The following HS3ST5 variants were observed in gnomAD, a reference collection of about 807,000 sequenced individuals.
The protein encoded by HS3ST5 is heparan sulfate-glucosamine 3-sulfotransferase 5, also known as heparan sulfate glucosamine 3-O-sulfotransferase 5.
HS3ST5 carries 10 observed loss-of-function variants against 25.4 expected under a neutral mutation model. The ratio of observed to expected loss-of-function variants is 0.39; its 90% CI spans 0.24 to 0.67. The LOEUF is 0.67. Ranked by LOEUF, HS3ST5 falls within the 30% of genes least tolerant of loss-of-function variation. The pLI is 0.44. For missense variants in HS3ST5, 324 were observed against 420.7 expected, an observed-to-expected ratio of 0.77 and a Z score of 2.01; for synonymous variants, 170 against 162.4, an observed-to-expected ratio of 1.05 and a Z score of -0.36.
intron 4 of HS3ST5, among the ~76,000 whole-genome samples, chr6:114,061,564 G>T (rs909442551): frequency 2.0e-5 from 3 of 152,188 alleles, no homozygotes; most frequent in Non-Finnish European, 2.9e-5. Context: ...GAAAGGAAAA[G>T]ATTTTCATTT....
chr6:114,217,272 T>C (rs1037918596), intron 2 of HS3ST5, among the ~76,000 whole-genome samples: 1 of 152,226 alleles, frequency 6.6e-6, no homozygotes, highest in African/African-American at 2.4e-5. Flanking sequence ...GTGGTTATGA[T>C]GACAAAGTCA....
intron 1 of HS3ST5, 36 bp downstream of exon 1, chr6:114,342,159 C>G (rs915400376): frequency 7.2e-5 from 11 of 152,350 alleles, no homozygotes; most frequent in African/African-American, 2.6e-4. Context: ...CTCAAAGCCC[C>G]TCCCCCGCGC....
chr6:114,204,389 T>C (rs1037296720), intron 2 of HS3ST5, among the ~76,000 whole-genome samples: 1 of 152,182 alleles, frequency 6.6e-6, no homozygotes, highest in Non-Finnish European at 1.5e-5. Flanking sequence ...GGCCTTTTCT[T>C]TGAATGTAGG....
chr6:114,181,260 T>C (rs1779956571), intron 2 of HS3ST5, among the ~76,000 whole-genome samples: 1 of 152,196 alleles, frequency 6.6e-6, no homozygotes, highest in African/African-American at 2.4e-5. Flanking sequence ...CCGGGGAACA[T>C]TGTGACAATC....
At chr6:114,281,141 C>A (rs953384291) in intron 1 of HS3ST5, among the ~76,000 whole-genome samples, 1 of 151,994 alleles carries the variant, frequency 6.6e-6, no homozygotes, top group African/African-American at 2.4e-5. Flanking sequence ...AAATAACGTA[C>A]CATATCTCCA....
At chr6:114,201,007 G>C (rs556761056) in intron 2 of HS3ST5, among the ~76,000 whole-genome samples, 4 of 152,320 alleles carry the variant, frequency 2.6e-5, no homozygotes, top group African/African-American at 9.6e-5. Context: ...AACTCCAGTT[G>C]AGAAGACTGG....
intron 3 of HS3ST5, among the ~76,000 whole-genome samples, chr6:114,160,973 T>C (rs1778916665): frequency 6.6e-6 from 1 of 152,190 alleles, no homozygotes; most frequent in African/African-American, 2.4e-5. Flanking sequence ...AAAGTATTAA[T>C]TTCTACTCCA....
At chr6:114,177,583 G>A (rs1779782516) in intron 2 of HS3ST5, among the ~76,000 whole-genome samples, 1 of 152,164 alleles carries the variant, frequency 6.6e-6, no homozygotes, top group Non-Finnish European at 1.5e-5. Flanking sequence ...AGCACTCTTT[G>A]TCAGCACTTT....
rs114621850 is a variant in HS3ST5, at chr6:114,253,305, G to C, written c.-338-24527C>G. 7.9e-3 allele frequency among the ~76,000 whole-genome samples: 1,206 copies of C among 152,246 alleles called. 16 individuals carry two copies. The highest frequency in any genetic ancestry group is 0.025 in the African/African-American group (1,043 of 41,542). On this transcript the variant is annotated intron_variant, in intron 1 of 4. Coordinates refer to ENST00000312719, the MANE Select transcript of HS3ST5 (RefSeq NM_153612.4). ...ATTAATAAGATATTTTGCGTATTTGGATAGTAAGTCTTCAAAATCTGAAGT... is the reference window on the plus strand; with the variant it reads ...ATTAATAAGATATTTTGCGTATTTGCATAGTAAGTCTTCAAAATCTGAAGT...
chr6:114,281,355 C>T (rs1326264161), intron 1 of HS3ST5, among the ~76,000 whole-genome samples: 1 of 152,040 alleles, frequency 6.6e-6, no homozygotes, highest in Non-Finnish European at 1.5e-5. Flanking sequence ...CTGTATAACA[C>T]ACTTTTGTCC....
chr6:114,304,280 ACAT>A (rs1457403054), intron 1 of HS3ST5, among the ~76,000 whole-genome samples: 19 of 152,220 alleles, frequency 1.2e-4, no homozygotes, highest in African/African-American at 4.6e-4. Context: ...TCTAATGTTG[ACAT>A]CATTTTCTCA....
intron 3 of HS3ST5, among the ~76,000 whole-genome samples, chr6:114,102,801 T>C (rs1775798178): frequency 6.6e-6 from 1 of 152,172 alleles, no homozygotes; most frequent in Admixed American, 6.5e-5. Flanking sequence ...AAGCACGCAT[T>C]ACAGAAAAAT....
At chr6:114,155,829 A>G (rs1202010453) in intron 3 of HS3ST5, among the ~76,000 whole-genome samples, 5 of 152,204 alleles carry the variant, frequency 3.3e-5, no homozygotes, top group Admixed American at 2.6e-4. Context: ...ATAGATTGAA[A>G]TGGAAGCAGT....
intron 1 of HS3ST5, among the ~76,000 whole-genome samples, chr6:114,258,555 T>C (rs1773032849): frequency 6.6e-6 from 1 of 151,968 alleles, no homozygotes; most frequent in Non-Finnish European, 1.5e-5. Context: ...TGGGGGTGAG[T>C]GACAGTGTCT....
At chr6:114,178,208 T>C (rs1236915559) in intron 2 of HS3ST5, among the ~76,000 whole-genome samples, 1 of 152,100 alleles carries the variant, frequency 6.6e-6, no homozygotes, top group Non-Finnish European at 1.5e-5. Flanking sequence ...GGCATATTTC[T>C]AAAGCAACAA....
At chr6:114,241,132 G>GTTTTTTTTTTT (rs34220294) in intron 1 of HS3ST5, among the ~76,000 whole-genome samples, 3 of 117,816 alleles carry the variant, frequency 2.5e-5, no homozygotes, top group Non-Finnish European at 5.2e-5. Context: ...AGAAAAATCA[G>GTTTTTTTTTTT]TTTTTTTTTT....
At chr6:114,109,272 G>GTATA (rs10660032) in intron 3 of HS3ST5, among the ~76,000 whole-genome samples, 2,493 of 150,472 alleles carry the variant, frequency 0.017, 39 homozygotes, top group Admixed American at 0.027. Flanking sequence ...ATGTGTGTGT[G>GTATA]TATATATATA....
chr6:114,234,032 T>A lies in HS3ST5; in HGVS notation c.-338-5254A>T, dbSNP rs549164639. Among the ~76,000 whole-genome samples the A allele has an allele frequency of 8.5e-5, 13 of 152,262 alleles. No individual in the cohort carries two copies. The South Asian group carries it at 2.7e-3, about 32-fold the overall frequency. On this transcript the variant is annotated intron_variant, in intron 1 of 4. Transcript: ENST00000312719. ...AACAGTGTTAGCTGTAGCCAGATAA[T>A]GTTTTCCAAGTTGGAGAACGGTAGG... is the stretch of plus-strand genomic sequence containing the variant.
chr6:114,276,934 G>A (rs1332116213), intron 1 of HS3ST5, among the ~76,000 whole-genome samples: 2 of 151,938 alleles, frequency 1.3e-5, no homozygotes, highest in African/African-American at 4.8e-5. Flanking sequence ...AGATCTTGTT[G>A]GAAGATATTA....
Sources: gnomAD v4.1 joint callset for allele counts (sites outside exome capture counted in the v4.1 genomes callset) on GRCh38, gnomAD v4.1.1 for gene constraint, MANE v1.5 for transcripts, NCBI Gene and HGNC (gene_info 2026-07-23, HGNC 2026-07-21) for gene names.